CHRM2: variants seen among roughly 807,000 people sequenced by gnomAD.
CHRM2 encodes muscarinic acetylcholine receptor M2.
Under a neutral mutation model 25.0 loss-of-function variants are expected in CHRM2, and 8 were observed. The ratio of observed to expected loss-of-function variants is 0.32; its 90% confidence interval spans 0.19 to 0.58. The LOEUF is 0.58. Ranked by LOEUF, CHRM2 falls within the 20% of genes least tolerant of loss-of-function variation. The pLI, the probability that CHRM2 is intolerant of heterozygous loss-of-function variation, is 0.88. For missense variants in CHRM2, 440 were observed against 567.1 expected, an observed-to-expected ratio of 0.78 and a Z score of 2.28; for synonymous variants, 202 against 205.7, an observed-to-expected ratio of 0.98 and a Z score of 0.15.
chr7:136,965,274 G>A (rs1238700914), intron 2 of CHRM2, among the ~76,000 whole-genome samples: 2 of 152,100 alleles, frequency 1.3e-5, no homozygotes, highest in African/African-American at 2.4e-5. Context: ...TATTGGTTAG[G>A]AGTCCATTTT....
chr7:136,950,990 G>A (rs1800381309), intron 2 of CHRM2: 1 of 151,932 alleles, frequency 6.6e-6, no homozygotes, highest in African/African-American at 2.4e-5. Flanking sequence ...TTATTTTTTT[G>A]CATATTGCCT....
At chr7:136,966,356 A>G (rs551777365) in intron 2 of CHRM2, among the ~76,000 whole-genome samples, 1 of 152,040 alleles carries the variant, frequency 6.6e-6, no homozygotes, top group Non-Finnish European at 1.5e-5. Context: ...ATTAATTGTA[A>G]TATCTTTATA....
In CHRM2 at chr7:136,888,118, C is replaced by T. The variant is rs140080452; in HGVS notation, c.-125+18700C>T. Among the ~76,000 whole-genome samples, 484 of 152,304 alleles carry T rather than the reference C, an allele frequency of 3.2e-3. 18 individuals are homozygous for T. The highest frequency in any genetic ancestry group is 0.025 in the Admixed American group (384 of 15,300). On this transcript the variant is annotated intron_variant, in intron 2 of 3. Coordinates refer to ENST00000680005, the MANE Select transcript of CHRM2 (RefSeq NM_001006630.2). ...TTAACAATTCCCATTCTTTTTGCTTCTTTCCCCTGGCTCTGCCAGATGTGT... is the reference window on the plus strand; with the variant it reads ...TTAACAATTCCCATTCTTTTTGCTTTTTTCCCCTGGCTCTGCCAGATGTGT...
intron 2 of CHRM2, among the ~76,000 whole-genome samples, chr7:136,938,915 C>CAAAAAAAAAAAAAAAAAAAAAAAAA (rs56868385): frequency 1.5e-5 from 1 of 66,912 alleles, no homozygotes; most frequent in Non-Finnish European, 2.8e-5. Context: ...CTAGCTCTGC[C>CAAAAAAAAAAAAAAAAAAAAAAAAA]AAAAAAAAAA....
At chr7:137,009,423 CAT>C (rs1804661249) in intron 3 of CHRM2, among the ~76,000 whole-genome samples, 1 of 152,008 alleles carries the variant, frequency 6.6e-6, no homozygotes, top group Non-Finnish European at 1.5e-5. Context: ...TTAAATGTCA[CAT>C]ATTTTCATGT....
chr7:137,001,737 C>G (rs1666028484), intron 3 of CHRM2, among the ~76,000 whole-genome samples: 1 of 152,128 alleles, frequency 6.6e-6, no homozygotes, highest in African/African-American at 2.4e-5. Context: ...GAGGCCTGCT[C>G]TAACCTGGTT....
intron 2 of CHRM2, among the ~76,000 whole-genome samples, chr7:136,937,473 C>A (rs1401084094): frequency 7.1e-6 from 1 of 140,636 alleles, no homozygotes; most frequent in Admixed American, 7.0e-5. Context: ...GCACATTCAA[C>A]ACTTGATCGC....
At chr7:136,988,093 A>C (rs1802978471) in intron 2 of CHRM2, among the ~76,000 whole-genome samples, 1 of 150,740 alleles carries the variant, frequency 6.6e-6, no homozygotes, top group African/African-American at 2.4e-5. Context: ...ATGTATGTAA[A>C]TATATGTATA....
chr7:136,971,127 T>A (rs540582333), intron 2 of CHRM2, among the ~76,000 whole-genome samples: 15 of 152,204 alleles, frequency 9.9e-5, no homozygotes, highest in African/African-American at 2.2e-4. Context: ...CTTGGAAACA[T>A]TAGAATTAGA....
intron 2 of CHRM2, among the ~76,000 whole-genome samples, chr7:136,986,355 C>T (rs1266428264): frequency 1.3e-5 from 2 of 152,020 alleles, no homozygotes; most frequent in African/African-American, 2.4e-5. Flanking sequence ...TTTCTATACC[C>T]TAATTATTTA....
chr7:136,988,045 T>C (rs944654158), intron 2 of CHRM2, among the ~76,000 whole-genome samples: 1 of 150,528 alleles, frequency 6.6e-6, no homozygotes, highest in Non-Finnish European at 1.5e-5. Flanking sequence ...ATTTTATGTA[T>C]AATATATTTA....
At chr7:136,959,410 T>C (rs1800927640) in intron 2 of CHRM2, among the ~76,000 whole-genome samples, 1 of 152,220 alleles carries the variant, frequency 6.6e-6, no homozygotes, top group African/African-American at 2.4e-5. Flanking sequence ...TACCAACATC[T>C]GGTTCCGGTA....
chr7:136,947,199 T>G lies in CHRM2; in HGVS notation c.-124-44988T>G, dbSNP rs189341931. Among the ~76,000 whole-genome samples the G allele has an allele frequency of 1.6e-3, 251 of 152,298 alleles. 4 individuals are homozygous for G. The highest frequency in any genetic ancestry group is 1.2e-3 in the Non-Finnish European group (85 of 68,010). On this transcript the variant is annotated intron_variant, in intron 2 of 3. Coordinates refer to ENST00000680005, the MANE Select transcript of CHRM2 (RefSeq NM_001006630.2). ...GGAACACTGTGAAAGCTGTCGTGGT[T>G]TTTTTGTTTGTTTTTCTTTTTTTCA...
chr7:136,916,619 T>C (rs1002494651), intron 2 of CHRM2, among the ~76,000 whole-genome samples: 4 of 151,176 alleles, frequency 2.6e-5, no homozygotes, highest in African/African-American at 9.7e-5. Context: ...TGCTTATCTC[T>C]TTTATCCTTG....
chr7:136,992,397 A>C (rs1803288586), intron 3 of CHRM2, 133 bp downstream of exon 3: 1 of 152,176 alleles, frequency 6.6e-6, no homozygotes. Context: ...TACTCTTATG[A>C]AATAATATTA....
rs1805350867 is a variant in CHRM2, at chr7:137,019,999, A to G, written c.*3733A>G. ...AACAACCATAGTACCGGTGTTGCAA[A>G]TAGTTTAGGAAAGCACCCAAAGCTG... On this transcript the variant is annotated 3_prime_UTR_variant, in exon 4 of 4. Transcript: ENST00000680005. 6.6e-6 allele frequency: 1 copy of G among 151,784 alleles called. No individual in the cohort carries two copies. Among genetic ancestry groups the G allele is most frequent in the South Asian group, 2.1e-4 (1 of 4,830 alleles). 9.4% of individuals were successfully genotyped at this position (151,784 alleles called of 1,614,324 possible). A position where few individuals can be genotyped will look rare whatever the true frequency, so the allele number is the denominator to read the frequency against.
chr7:136,883,234 GAGA>G (rs1347269644), intron 2 of CHRM2, among the ~76,000 whole-genome samples: 1 of 152,142 alleles, frequency 6.6e-6, no homozygotes, highest in African/African-American at 2.4e-5. Flanking sequence ...AGCTTAGAAA[GAGA>G]AGGTTTTGGC....
intron 2 of CHRM2, among the ~76,000 whole-genome samples, chr7:136,990,090 T>C (rs1803119255): frequency 1.3e-5 from 2 of 152,214 alleles, no homozygotes; most frequent in South Asian, 4.1e-4. Flanking sequence ...TTAAAGCAGT[T>C]TTAGGTCCAT....
intron 2 of CHRM2, among the ~76,000 whole-genome samples, chr7:136,880,553 A>T (rs1362277737): frequency 6.6e-6 from 1 of 151,990 alleles, no homozygotes; most frequent in Non-Finnish European, 1.5e-5. Flanking sequence ...GAGGTCAGTT[A>T]TCTGAAATTC....
Sources: allele counts gnomAD v4.1 joint callset (sites outside exome capture counted in the v4.1 genomes callset), GRCh38; gene constraint gnomAD v4.1.1; transcripts MANE v1.5; gene names NCBI Gene and HGNC (gene_info 2026-07-23, HGNC 2026-07-21).